MOB2: variants seen among roughly 807,000 people sequenced by gnomAD.
MOB2 encodes the protein MOB kinase activator 2.
Under a neutral mutation model 27.4 loss-of-function variants are expected in MOB2, and 14 were observed. The ratio of observed to expected loss-of-function variants is 0.51; its 90% CI spans 0.34 to 0.80. The LOEUF (loss-of-function observed/expected upper bound fraction) is 0.80, where lower values mean the gene tolerates loss of function less well. Ranked by LOEUF, MOB2 falls within the 30% of genes least tolerant of loss-of-function variation. The probability of loss-of-function intolerance (pLI) is 0.01; values close to 1 mark genes in which losing one functional copy is unlikely to be tolerated. For synonymous variants in MOB2, 167 were observed against 151.8 expected (o/e 1.10, Z -0.74); for missense variants, 304 against 354.6 (o/e 0.86, Z 1.15).
rs1202989816 is a variant in MOB2 at position 1,486,475 on chromosome 11, C to T, written c.82G>A (p.Val28Met). The T allele has an allele frequency of 1.3e-6, 2 of 1,535,766 alleles. No individual in the cohort carries two copies. Among genetic ancestry groups the T allele is most frequent in the Admixed American group, 2.0e-5 (1 of 50,990 alleles). The change falls in exon 1 of 5, where the codon GTG becomes ATG. Residue 28 changes from valine (V) to methionine (M), a missense_variant. Val to Met is a conservative substitution (Grantham distance 21). Coordinates refer to ENST00000329957, the MANE Select transcript of MOB2 (RefSeq NM_001172223.3). ...AGCACTTTGCTGACAGCCTGAAGCA[C>T]CATTTTGCAGCAGAGTCCACTTTGC... Reference protein sequence around the residue: ...SLQSGLCCKMVLQAVSKVLRK... With the variant: ...SLQSGLCCKMMLQAVSKVLRK...
At chr11:1,478,904 G>A (rs1465856331) in intron 3 of MOB2, among the ~76,000 whole-genome samples, 2 of 152,214 alleles carry the variant, frequency 1.3e-5, no homozygotes, top group African/African-American at 4.8e-5. Flanking sequence ...AAGTGGCCCT[G>A]AGGCCCTCTG....
intron 1 of MOB2, among the ~76,000 whole-genome samples, chr11:1,484,802 G>A (rs887783177): frequency 5.3e-4 from 81 of 152,278 alleles, no homozygotes; most frequent in African/African-American, 1.9e-3. Context: ...GAAGGCCTCC[G>A]GAGCCCCTGT....
intron 4 of MOB2, among the ~76,000 whole-genome samples, chr11:1,470,841 A>G (rs7396514): frequency 0.27 from 41,497 of 152,162 alleles, 6,816 homozygotes; most frequent in East Asian, 0.63. Flanking sequence ...ACTTGGGGCC[A>G]TCTCCCGGGC....
At chr11:1,479,344 G>A (rs1393334820) in intron 3 of MOB2, among the ~76,000 whole-genome samples, 2 of 152,190 alleles carry the variant, frequency 1.3e-5, no homozygotes, top group Admixed American at 6.5e-5. Context: ...GGAGGCCACC[G>A]CCGTCTCACA....
rs754225848 is a variant in MOB2 at position 1,469,633 on chromosome 11, A to G, written c.*539T>C. 53 of 456,838 alleles carry G rather than the reference A, an allele frequency of 1.2e-4. No homozygotes were observed. The highest frequency in any genetic ancestry group is 6.6e-4 in the African/African-American group (33 of 50,094). The allele number at this position is 456,838 out of a possible 1,614,324, so 28.3% of individuals were successfully genotyped here. On this transcript the variant is annotated 3_prime_UTR_variant, in exon 5 of 5. Transcript: ENST00000329957. ...GGAGGCAGCAGGAAGGGGTGACAGG[A>G]GCAGGAGCAGGTGCAGGGCACCTCA...
chr11:1,473,226 T>C (rs746567379), intron 3 of MOB2: 4 of 152,344 alleles, frequency 2.6e-5, no homozygotes, highest in Non-Finnish European at 5.9e-5. Context: ...CACACCTGCC[T>C]CTCAGGTGCT....
intron 1 of MOB2, among the ~76,000 whole-genome samples, chr11:1,484,277 G>A (rs2133368838): frequency 6.6e-6 from 1 of 152,304 alleles, no homozygotes; most frequent in South Asian, 2.1e-4. Flanking sequence ...GGCACGAGGG[G>A]CCCAGAAATA....
intron 1 of MOB2, 51 bp downstream of exon 1, chr11:1,486,396 G>T: frequency 7.2e-7 from 1 of 1,381,772 alleles, no homozygotes; most frequent in Non-Finnish European, 9.9e-7. Context: ...CAAGAACAGG[G>T]CAGACAGATG....
chr11:1,474,930 C>A (rs1329949388), intron 3 of MOB2, among the ~76,000 whole-genome samples: 2 of 152,216 alleles, frequency 1.3e-5, no homozygotes, highest in East Asian at 3.8e-4. Flanking sequence ...ATTTGTCCCT[C>A]CATATAAATT....
At position 1,471,525 on chromosome 11, in the gene MOB2, G is replaced by T. The variant is rs913008172; in HGVS notation, c.366-106C>A. 22 of 1,457,166 alleles carry T rather than the reference G, an allele frequency of 1.5e-5. No homozygotes were observed. The African/African-American group carries it at 2.0e-4, about 13-fold the overall frequency. The allele number at this position is 1,457,166 out of a possible 1,614,324, so 90.3% of individuals were successfully genotyped here. On this transcript the variant is annotated intron_variant, in intron 3 of 4. Coordinates refer to ENST00000329957, the MANE Select transcript of MOB2 (RefSeq NM_001172223.3). ...TGCGGGCAGAGGTGGCGCCAGCAGC[G>T]GAGGTGTGGCAGACCCAGGTGTCTC...
chr11:1,484,413 G>A (rs575657446), intron 1 of MOB2, among the ~76,000 whole-genome samples: 239 of 152,248 alleles, frequency 1.6e-3, no homozygotes, highest in African/African-American at 5.3e-3. Flanking sequence ...CATCTGCACC[G>A]GGCCCCTCAT....
chr11:1,486,382 G>A lies in MOB2; in HGVS notation c.110+65C>T, dbSNP rs1104767. ...CCTCCCCACCCTGACCTCCTTCCTG[G>A]GGGCAAGAACAGGGCAGACAGATGT... On this transcript the variant is annotated intron_variant, in intron 1 of 4. Coordinates refer to ENST00000329957, the MANE Select transcript of MOB2 (RefSeq NM_001172223.3). The A allele has an allele frequency of 8.5e-3, 11,092 of 1,297,454 alleles. 767 individuals carry two copies. In the African/African-American group the frequency reaches 0.14, roughly 17 times the overall value. 80.4% of individuals were successfully genotyped at this position (1,297,454 alleles called of 1,614,324 possible).
At chr11:1,470,571 T>TG in intron 4 of MOB2, 83 bp from the exon 5 acceptor site, 1 of 1,472,886 alleles carries the variant, frequency 6.8e-7, no homozygotes, top group Non-Finnish European at 9.1e-7. Flanking sequence ...GCCTGGTGGG[T>TG]CTGGTACCTG....
Position 1,469,480 on chromosome 11 carries a change from T to C in MOB2, c.*692A>G. 2 of 438,820 alleles carry C rather than the reference T, an allele frequency of 4.6e-6. No individual in the cohort carries two copies. Among genetic ancestry groups the C allele is most frequent in the South Asian group, 1.6e-5 (1 of 63,578 alleles). The allele number at this position is 438,820 out of a possible 1,614,324, so 27.2% of individuals were successfully genotyped here. ...TCTGACCTGAGAGAATTCTTTTTAT[T>C]ACGAGTGAACAGATGAACTAAGGTA... On this transcript the variant is annotated 3_prime_UTR_variant, in exon 5 of 5. Coordinates refer to ENST00000329957, the MANE Select transcript of MOB2 (RefSeq NM_001172223.3).
intron 3 of MOB2, chr11:1,471,679 C>T: frequency 2.3e-6 from 1 of 440,312 alleles, no homozygotes; most frequent in Non-Finnish European, 4.0e-6. Context: ...AGCCACATGG[C>T]TGTACAGGTG....
intron 4 of MOB2, 78 bp from the exon 5 acceptor site, chr11:1,470,566 G>T: frequency 6.7e-7 from 1 of 1,491,450 alleles, no homozygotes; most frequent in South Asian, 1.3e-5. Flanking sequence ...ACCCAGCCTG[G>T]TGGGTCTGGT....
intron 1 of MOB2, among the ~76,000 whole-genome samples, chr11:1,485,321 C>T (rs59323853): frequency 0.062 from 9,388 of 152,312 alleles, 1,011 homozygotes; most frequent in African/African-American, 0.21. Flanking sequence ...CACGCCAGTC[C>T]CCTCACACCA....
intron 3 of MOB2, among the ~76,000 whole-genome samples, chr11:1,478,515 T>C (rs1847876685): frequency 6.6e-6 from 1 of 152,294 alleles, no homozygotes; most frequent in East Asian, 1.9e-4. Flanking sequence ...CTCCTGGGTT[T>C]CTAAAAGTGC....
At chr11:1,481,079 A>G in intron 1 of MOB2, 194 bp from the exon 2 acceptor site, 1 of 718,420 alleles carries the variant, frequency 1.4e-6, no homozygotes. Context: ...GGGCCAGTGG[A>G]GCTGCCTTGC....
Sources: gnomAD v4.1 joint callset for allele counts (sites outside exome capture counted in the v4.1 genomes callset) on GRCh38, gnomAD v4.1.1 for gene constraint, MANE v1.5 for transcripts, NCBI Gene and HGNC (gene_info 2026-07-23, HGNC 2026-07-21) for gene names.